The following KHDRBS2 variants were observed in gnomAD, a reference collection of about 807,000 sequenced individuals.
KHDRBS2 encodes KH RNA binding domain containing, signal transduction associated 2, also known as KH domain-containing, RNA-binding, signal transduction-associated protein 2.
A neutral mutation model predicts 44.3 loss-of-function variants in KHDRBS2; 26 were observed. That is an observed-to-expected ratio of 0.59 (90% CI 0.43 to 0.81). The LOEUF is 0.81. KHDRBS2 is among the 40% of genes least tolerant of loss of function. KHDRBS2 has a pLI of 0.00. For missense variants in KHDRBS2, 476 were observed against 433.1 expected, an observed-to-expected ratio of 1.10 and a Z score of -0.88; for synonymous variants, 194 against 151.1, an observed-to-expected ratio of 1.28 and a Z score of -2.08.
intron 6 of KHDRBS2, among the ~76,000 whole-genome samples, chr6:61,741,041 T>C (rs1582528632): frequency 6.6e-6 from 1 of 151,930 alleles, no homozygotes; most frequent in East Asian, 1.9e-4. Context: ...GTAATAAATA[T>C]ATTTTGTACA....
chr6:61,968,701 C>T (rs143440929), intron 4 of KHDRBS2, among the ~76,000 whole-genome samples: 112 of 152,044 alleles, frequency 7.4e-4, no homozygotes, highest in African/African-American at 2.5e-3. Flanking sequence ...TATTTAGTGC[C>T]CTTCAATACA....
chr6:61,902,034 C>A (rs1198295182), intron 4 of KHDRBS2, among the ~76,000 whole-genome samples: 1 of 152,168 alleles, frequency 6.6e-6, no homozygotes, highest in Non-Finnish European at 1.5e-5. Context: ...TGGCTCACTG[C>A]CGCCTCCGCT....
intron 6 of KHDRBS2, chr6:61,816,945 G>A: frequency 2.2e-6 from 1 of 455,678 alleles, no homozygotes; most frequent in Non-Finnish European, 4.4e-6. Context: ...TTCTACTTGA[G>A]ACAACTTACC....
intron 3 of KHDRBS2, among the ~76,000 whole-genome samples, chr6:62,012,379 C>G (rs1780462342): frequency 6.6e-6 from 1 of 152,096 alleles, no homozygotes; most frequent in South Asian, 2.1e-4. Context: ...AACAAGTTAC[C>G]CTGTATCCAC....
At chr6:62,265,301 G>T (rs1366461000) in intron 1 of KHDRBS2, among the ~76,000 whole-genome samples, 6 of 151,950 alleles carry the variant, frequency 3.9e-5, no homozygotes, top group Non-Finnish European at 8.8e-5. Context: ...TCTCCTGCAT[G>T]CCACCTTTGC....
At chr6:61,968,378 T>C (rs1423822512) in intron 4 of KHDRBS2, among the ~76,000 whole-genome samples, 2 of 152,038 alleles carry the variant, frequency 1.3e-5, no homozygotes, top group African/African-American at 4.8e-5. Flanking sequence ...ACATACTCCT[T>C]GCCTATGTTT....
intron 6 of KHDRBS2, among the ~76,000 whole-genome samples, chr6:61,824,941 A>G (rs537631909): frequency 5.3e-4 from 80 of 152,286 alleles, no homozygotes; most frequent in African/African-American, 1.9e-3. Flanking sequence ...AATTGTCCAC[A>G]TTGCCAAATA....
intron 6 of KHDRBS2, among the ~76,000 whole-genome samples, chr6:61,738,137 A>C (rs1775655824): frequency 6.6e-6 from 1 of 152,040 alleles, no homozygotes; most frequent in Non-Finnish European, 1.5e-5. Flanking sequence ...CTGGCTTATT[A>C]GTATATTTCT....
At chr6:61,966,069 A>G (rs1401913125) in intron 4 of KHDRBS2, among the ~76,000 whole-genome samples, 3 of 151,984 alleles carry the variant, frequency 2.0e-5, no homozygotes, top group Non-Finnish European at 2.9e-5. Flanking sequence ...GATTGATATC[A>G]GGGGAAAATA....
intron 7 of KHDRBS2, 138 bp downstream of exon 7, chr6:61,732,544 A>G (rs189188312): frequency 3.2e-5 from 20 of 634,894 alleles, no homozygotes; most frequent in Non-Finnish European, 5.1e-5. Context: ...TCTGGTAAGC[A>G]ACTTGATAAT....
intron 1 of KHDRBS2, among the ~76,000 whole-genome samples, chr6:62,179,940 T>C (rs1563013074): frequency 6.6e-6 from 1 of 151,864 alleles, no homozygotes; most frequent in Non-Finnish European, 1.5e-5. Flanking sequence ...AATAGATCAA[T>C]ACTTGTATTT....
chr6:61,640,567 T>A, the KHDRBS2 span, among the ~76,000 whole-genome samples: 2 of 152,060 alleles, frequency 1.3e-5, no homozygotes, highest in Admixed American at 6.6e-5. Context: ...TTTTCACTGT[T>A]CTCTAAGGAC....
At chr6:61,816,888 T>C (rs190439561) in intron 6 of KHDRBS2, 3 of 453,084 alleles carry the variant, frequency 6.6e-6, no homozygotes, top group East Asian at 1.4e-4. Flanking sequence ...CATACACTTT[T>C]ACAATTTATG....
chr6:61,552,550 T>C, the KHDRBS2 span, among the ~76,000 whole-genome samples: 2 of 152,156 alleles, frequency 1.3e-5, no homozygotes, highest in Non-Finnish European at 2.9e-5. Context: ...CTAGGAGTGG[T>C]GAAAATGGGC....
the KHDRBS2 span, among the ~76,000 whole-genome samples, chr6:61,559,353 GT>G: frequency 0.35 from 51,323 of 146,502 alleles, 9,508 homozygotes; most frequent in East Asian, 0.49. Context: ...TTGGGTTTGG[GT>G]TTTTTTTTTT....
chr6:62,167,373 T>C (rs1421821407), intron 2 of KHDRBS2, among the ~76,000 whole-genome samples: 2 of 151,896 alleles, frequency 1.3e-5, no homozygotes, highest in African/African-American at 2.4e-5. Context: ...ATTAAAAAAA[T>C]ACAAAATGGA....
intron 6 of KHDRBS2, among the ~76,000 whole-genome samples, chr6:61,863,033 A>G (rs553877701): frequency 5.9e-5 from 9 of 152,088 alleles, no homozygotes; most frequent in Non-Finnish European, 1.0e-4. Flanking sequence ...TATGTCTCCT[A>G]TTTATCCATT....
chr6:61,978,197 T>A lies in KHDRBS2; in HGVS notation c.352A>T (p.Lys118Ter). 6.2e-7 allele frequency: 1 copy of A among 1,604,190 alleles called. No individual in the cohort carries two copies. The highest frequency in any genetic ancestry group is 2.2e-5 in the East Asian group (1 of 44,794). Reference sequence around the variant, plus strand: ...TGGGCATATTTGGCTTCCCCACTCTTCCTTAGTTCTTCTTCCTGTGAAAAA... The same window carrying A: ...TGGGCATATTTGGCTTCCCCACTCTACCTTAGTTCTTCTTCCTGTGAAAAA... ...RDKAKEEELRKSGEAKYAHLS... is the reference protein window; with the variant it reads ...RDKAKEEELR Residue 118 changes from lysine (K) to a stop codon, truncating the protein, a stop_gained, in exon 4 of 9, where the codon AAG becomes TAG. Coordinates refer to ENST00000281156, the MANE Select transcript of KHDRBS2 (RefSeq NM_152688.4). LOFTEE classifies it high-confidence loss of function.
At chr6:61,677,752 A>G (rs1766025409), downstream of KHDRBS2, among the ~76,000 whole-genome samples, 2 of 151,858 alleles carry the variant, frequency 1.3e-5, no homozygotes, top group Non-Finnish European at 2.9e-5. Context: ...GTACTTTTGT[A>G]AGTCTGCCCC....
Sources: gnomAD v4.1 joint callset for allele counts (sites outside exome capture counted in the v4.1 genomes callset) on GRCh38, gnomAD v4.1.1 for gene constraint, MANE v1.5 for transcripts, NCBI Gene and HGNC (gene_info 2026-07-23, HGNC 2026-07-21) for gene names.